Variants in SLC19A2 observed in about 807,000 individuals in gnomAD.
SLC19A2 encodes thiamine transporter 1.
In SLC19A2, 27 loss-of-function variants were observed where a neutral mutation model predicts 44.7. The ratio of observed to expected loss-of-function variants is 0.60; its 90% CI spans 0.45 to 0.83. The LOEUF (loss-of-function observed/expected upper bound fraction) is 0.83, where lower values mean the gene tolerates loss of function less well. Among genes scored for constraint, SLC19A2 ranks in the 40% least tolerant of loss-of-function variants. The pLI is 0.00. For synonymous variants in SLC19A2, 239 were observed against 243.6 expected, an observed-to-expected ratio of 0.98 and a Z score of 0.18; for missense variants, 566 against 613.7, an observed-to-expected ratio of 0.92 and a Z score of 0.82.
chr1:169,467,436 ATATGT>A (rs1332660481), intron 5 of SLC19A2, among the ~76,000 whole-genome samples: 1 of 152,176 alleles, frequency 6.6e-6, no homozygotes, highest in Non-Finnish European at 1.5e-5. Flanking sequence ...ATTACGGCTA[ATATGT>A]TGGGAAGAAA....
At chr1:169,469,178 G>A (rs974688617) in intron 3 of SLC19A2, 6 of 322,992 alleles carry the variant, frequency 1.9e-5, no homozygotes, top group Non-Finnish European at 2.9e-5. Context: ...ATGGCAGGAT[G>A]AGTCATCTCT....
In SLC19A2 at chr1:169,468,665, A is replaced by T; in HGVS notation, c.1202T>A (p.Met401Lys). Residue 401 changes from methionine (M) to lysine (K), a missense_variant, in exon 4 of 6, where the codon ATG becomes AAG. Met to Lys is a moderately conservative substitution (Grantham distance 95). Coordinates refer to ENST00000236137, the MANE Select transcript of SLC19A2 (RefSeq NM_006996.3). ...ASYVVFRIIY[M>K]LLITIATFQI... ...ATACGTTGCTATCGTGATGAGTAAC[A>T]TGTAGATGATTCTGAAGACAACATA... The T allele has an allele frequency of 6.2e-7, 1 of 1,613,838 alleles. No individual in the cohort carries two copies. The highest frequency in any genetic ancestry group is 1.1e-5 in the South Asian group (1 of 91,058).
chr1:169,470,550 C>A (rs1354602117), intron 2 of SLC19A2, among the ~76,000 whole-genome samples: 1 of 150,666 alleles, frequency 6.6e-6, no homozygotes, highest in African/African-American at 2.4e-5. Flanking sequence ...AACAGACTAG[C>A]AACCCTAATA....
chr1:169,470,238 G>T, intron 2 of SLC19A2, 52 bp from the exon 3 acceptor site: 1 of 1,518,944 alleles, frequency 6.6e-7, no homozygotes, highest in African/African-American at 1.4e-5. Context: ...CAATTATATA[G>T]AAAGCAATTT....
At chr1:169,469,517 G>A (rs1658115240) in intron 3 of SLC19A2, among the ~76,000 whole-genome samples, 1 of 152,072 alleles carries the variant, frequency 6.6e-6, no homozygotes. Flanking sequence ...TTGCAAAATG[G>A]GGATAAATTC....
intron 1 of SLC19A2, among the ~76,000 whole-genome samples, chr1:169,483,797 G>C (rs1658494150): frequency 6.6e-6 from 1 of 152,182 alleles, no homozygotes; most frequent in Non-Finnish European, 1.5e-5. Flanking sequence ...CGCACAAACT[G>C]TGCAGATCAC....
Position 169,477,770 on chromosome 1 carries a change from G to GAAAAAAAAA in SLC19A2, c.205-22_205-14dup. 8.1e-7 allele frequency: 1 copy of GAAAAAAAAA among 1,237,636 alleles called. No individual in the cohort carries two copies. Among genetic ancestry groups the GAAAAAAAAA allele is most frequent in the Admixed American group, 2.4e-5 (1 of 41,232 alleles). The allele number at this position is 1,237,636 out of a possible 1,614,324, so 76.7% of individuals were successfully genotyped here. On this transcript the variant is annotated splice_polypyrimidine_tract_variant and intron_variant, in intron 1 of 5. Transcript: ENST00000236137. ...TTTCATTGAAGACCTGGTAGAAAGA[G>GAAAAAAAAA]AAAAAAAAAAAACAAAAAACATTAG...
chr1:169,477,821 A>G (rs1333033551), intron 1 of SLC19A2, 64 bp from the exon 2 acceptor site: 11 of 1,509,580 alleles, frequency 7.3e-6, no homozygotes, highest in Non-Finnish European at 9.8e-6. Context: ...GAATACTCAT[A>G]AAGAATTTAT....
intron 2 of SLC19A2, among the ~76,000 whole-genome samples, chr1:169,471,702 A>G (rs75566018): frequency 0.32 from 28,691 of 89,188 alleles, 3,194 homozygotes; most frequent in Admixed American, 0.43. Context: ...GTGTGTGTAT[A>G]TATACACACA....
intron 1 of SLC19A2, among the ~76,000 whole-genome samples, chr1:169,482,784 A>G (rs1239911508): frequency 6.6e-6 from 1 of 152,232 alleles, no homozygotes; most frequent in Non-Finnish European, 1.5e-5. Context: ...GCTGGACTTA[A>G]GACTATTAGA....
intron 2 of SLC19A2, among the ~76,000 whole-genome samples, chr1:169,475,727 G>A (rs186923076): frequency 3.3e-5 from 5 of 152,246 alleles, no homozygotes; most frequent in Admixed American, 1.3e-4. Context: ...CTGACAAAAA[G>A]TGCTCACAGG....
intron 1 of SLC19A2, among the ~76,000 whole-genome samples, chr1:169,482,776 T>C (rs1195535886): frequency 6.6e-6 from 1 of 152,202 alleles, no homozygotes; most frequent in African/African-American, 2.4e-5. Flanking sequence ...GTGGATATGC[T>C]GGACTTAAGA....
rs1658349515 is a variant in SLC19A2 at position 169,477,413 on chromosome 1, T to G, written c.549A>C (p.Ala183=). ...CATTCAGGCTGAACAGCGACCAGCC[T>G]GCCACTGAGACAAGGATTTGCCCTA... ...SVLGQILVSV[A]GWSLFSLNVI... The change falls in exon 2 of 6, where the codon GCA becomes GCC. Residue 183 remains alanine, a synonymous_variant. Transcript: ENST00000236137. 6.2e-7 allele frequency: 1 copy of G among 1,614,076 alleles called. No homozygotes were observed. The highest frequency in any genetic ancestry group is 8.5e-7 in the Non-Finnish European group (1 of 1,180,044).
rs971531760 is a variant in SLC19A2, at chr1:169,464,204, A to G, written c.*1645T>C. On this transcript the variant is annotated 3_prime_UTR_variant, in exon 6 of 6. Transcript: ENST00000236137. ...AACAATTTGTACCACATTCCATTAA[A>G]AAAAGATTTAATAAAATCCCTCAAA... 19 of 152,748 alleles carry G rather than the reference A, an allele frequency of 1.2e-4. No individual in the cohort carries two copies. Among genetic ancestry groups the G allele is most frequent in the African/African-American group, 4.3e-4 (18 of 41,580 alleles). The allele number at this position is 152,748 out of a possible 1,614,324, so 9.5% of individuals were successfully genotyped here.
chr1:169,477,308 G>A lies in SLC19A2; in HGVS notation c.654C>T (p.His218=), dbSNP rs759826470. Residue 218 remains histidine, a synonymous_variant, in exon 2 of 6, where the codon CAC becomes CAT. Transcript: ENST00000236137. ...LPMPQKSLFF[H]HIPSTCQRVN... Reference sequence around the variant, plus strand: ...CTCTCTGGCAGGTAGAAGGAATGTGGTGAAAGAAGAGGCTCTTCTGTGGCA... The same window carrying A: ...CTCTCTGGCAGGTAGAAGGAATGTGATGAAAGAAGAGGCTCTTCTGTGGCA... 9.3e-6 allele frequency: 15 copies of A among 1,614,132 alleles called. No homozygotes were observed. The South Asian group carries it at 1.5e-4, about 17-fold the overall frequency.
At chr1:169,471,872 T>C (rs1391866408) in intron 2 of SLC19A2, among the ~76,000 whole-genome samples, 1 of 152,084 alleles carries the variant, frequency 6.6e-6, no homozygotes, top group Non-Finnish European at 1.5e-5. Flanking sequence ...TTTTACCTTC[T>C]CATACCATCC....
chr1:169,470,926 C>A (rs1321845452), intron 2 of SLC19A2, among the ~76,000 whole-genome samples: 2 of 152,062 alleles, frequency 1.3e-5, no homozygotes, highest in African/African-American at 4.8e-5. Context: ...CTGGGCCTTG[C>A]TCAGAACATG....
intron 1 of SLC19A2, 46 bp from the exon 2 acceptor site, chr1:169,477,803 A>C: frequency 2.6e-6 from 4 of 1,553,906 alleles, no homozygotes; most frequent in Non-Finnish European, 3.5e-6. Context: ...TAGTGATGAA[A>C]GGACCTGGAA....
At chr1:169,476,578 C>T (rs1361315972) in intron 2 of SLC19A2, among the ~76,000 whole-genome samples, 1 of 152,008 alleles carries the variant, frequency 6.6e-6, no homozygotes, top group Non-Finnish European at 1.5e-5. Flanking sequence ...ATTAGCTGGG[C>T]GTGGTGGCGA....
Sources: allele counts gnomAD v4.1 joint callset (sites outside exome capture counted in the v4.1 genomes callset), GRCh38; gene constraint gnomAD v4.1.1; transcripts MANE v1.5; gene names NCBI Gene and HGNC (gene_info 2026-07-23, HGNC 2026-07-21).